COL4A2: variants seen among roughly 807,000 people sequenced by gnomAD.
COL4A2 encodes collagen type IV alpha 2 chain.
A neutral mutation model predicts 200.2 loss-of-function variants in COL4A2; 99 were observed. The observed-to-expected ratio is 0.49, with a 90% CI of 0.42 to 0.58. The LOEUF (loss-of-function observed/expected upper bound fraction) is 0.58, where lower values mean the gene tolerates loss of function less well. COL4A2 is among the 20% of genes least tolerant of loss of function. The probability of loss-of-function intolerance (pLI) is 0.00; values close to 1 mark genes in which losing one functional copy is unlikely to be tolerated. For synonymous variants in COL4A2, 897 were observed against 900.6 expected, an observed-to-expected ratio of 1.00 and a Z score of 0.07; for missense variants, 1,950 against 2,314.1, an observed-to-expected ratio of 0.84 and a Z score of 3.23.
chr13:110,383,934 A>G (rs750294685), intron 4 of COL4A2, among the ~76,000 whole-genome samples: 1 of 152,196 alleles, frequency 6.6e-6, no homozygotes, highest in African/African-American at 2.4e-5. Flanking sequence ...TTCAAGCTGC[A>G]GCAACACTCA....
At chr13:110,345,232 CG>C (rs1166984888) in intron 3 of COL4A2, among the ~76,000 whole-genome samples, 1 of 152,160 alleles carries the variant, frequency 6.6e-6, no homozygotes, top group Non-Finnish European at 1.5e-5. Flanking sequence ...TGTGTACAAA[CG>C]CAAGTTCTTT....
chr13:110,438,634 G>T lies in COL4A2; in HGVS notation c.878G>T (p.Gly293Val). 2 of 1,614,248 alleles carry T rather than the reference G, an allele frequency of 1.2e-6. No individual in the cohort carries two copies. The highest frequency in any genetic ancestry group is 1.7e-6 in the Non-Finnish European group (2 of 1,180,038). Reference protein sequence around the residue: ...EPGIRGISLKGEEGIMGFPGL... With the variant: ...EPGIRGISLKVEEGIMGFPGL... ...CTCTCCTAGGGCATTTCCTTGAAGGGAGAAGAAGGAATCATGGGCTTTCCT... is the reference window on the plus strand; with the variant it reads ...CTCTCCTAGGGCATTTCCTTGAAGGTAGAAGAAGGAATCATGGGCTTTCCT... The change falls in exon 15 of 48, where the codon GGA becomes GTA. Residue 293 changes from glycine (G) to valine (V), a missense_variant. By Grantham distance (109) the Gly-to-Val change is moderately radical. Coordinates refer to ENST00000360467, the MANE Select transcript of COL4A2 (RefSeq NM_001846.4).
chr13:110,372,129 T>C (rs1030511522), intron 4 of COL4A2, among the ~76,000 whole-genome samples: 1 of 152,230 alleles, frequency 6.6e-6, no homozygotes, highest in Non-Finnish European at 1.5e-5. Context: ...AACAACTGGG[T>C]ATTTTGATGA....
intron 29 of COL4A2, 189 bp downstream of exon 29, chr13:110,473,339 C>T (rs894140884): frequency 2.9e-5 from 16 of 549,626 alleles, no homozygotes; most frequent in South Asian, 7.5e-5. Flanking sequence ...TGACTACCCA[C>T]GGTAGCCAGT....
Position 110,462,378 on chromosome 13 carries a change from C to T in COL4A2, c.1770C>T (p.Gly590=). ...TCGATGGATTCCCCGGCCTCCCAGG[C>T]CCTCCCGTGAGTAGCCACAAACTGC... ...DGLDGFPGLP[G]PPGDGIKGPP... The change falls in exon 24 of 48, where the codon GGC becomes GGT. Residue 590 remains glycine (G), a synonymous_variant. Transcript: ENST00000360467. 1 of 1,612,770 alleles carries T rather than the reference C, an allele frequency of 6.2e-7. No individual in the cohort carries two copies. Among genetic ancestry groups the T allele is most frequent in the Non-Finnish European group, 8.5e-7 (1 of 1,179,904 alleles).
chr13:110,406,424 T>C (rs1879571476), intron 4 of COL4A2, among the ~76,000 whole-genome samples: 1 of 152,136 alleles, frequency 6.6e-6, no homozygotes, highest in African/African-American at 2.4e-5. Flanking sequence ...AGCAGGAGCA[T>C]GTCAGTAAAT....
intron 43 of COL4A2, 125 bp from the exon 44 acceptor site, chr13:110,503,722 C>G (rs1485630979): frequency 8.2e-7 from 1 of 1,222,880 alleles, no homozygotes; most frequent in Non-Finnish European, 1.2e-6. Flanking sequence ...TGGCTCATCT[C>G]TAGAAAGCAC....
At chr13:110,376,297 A>G (rs1323179398) in intron 4 of COL4A2, among the ~76,000 whole-genome samples, 2 of 152,202 alleles carry the variant, frequency 1.3e-5, no homozygotes, top group Non-Finnish European at 2.9e-5. Flanking sequence ...GCAGAGCAAC[A>G]GTCTGGAACT....
At chr13:110,379,578 G>T (rs1347684808) in intron 4 of COL4A2, among the ~76,000 whole-genome samples, 1 of 152,168 alleles carries the variant, frequency 6.6e-6, no homozygotes, top group Non-Finnish European at 1.5e-5. Flanking sequence ...CCCTTCTCAT[G>T]CACCCCCAAA....
chr13:110,485,522 CAAAAAAAAAAAAA>C (rs34819988), intron 33 of COL4A2, 120 bp from the exon 34 acceptor site: 7 of 357,772 alleles, frequency 2.0e-5, no homozygotes, highest in Middle Eastern at 7.4e-4. Context: ...GACTCCGTCT[CAAAAAAAAAAAAA>C]AAAAAAAAAA....
chr13:110,369,991 T>C (rs1877932378), intron 4 of COL4A2, among the ~76,000 whole-genome samples: 1 of 152,200 alleles, frequency 6.6e-6, no homozygotes, highest in Non-Finnish European at 1.5e-5. Flanking sequence ...TCTAATCACC[T>C]TGTTCTGAGC....
At chr13:110,430,288 T>A in intron 8 of COL4A2, 113 bp from the exon 9 acceptor site, 1 of 1,356,628 alleles carries the variant, frequency 7.4e-7, no homozygotes, top group Non-Finnish European at 1.0e-6. Flanking sequence ...CATTACTAGG[T>A]CCTGATAGGG....
rs760926154 is a variant in COL4A2 at position 110,472,999 on chromosome 13, C to G, written c.2274C>G (p.Ile758Met). The G allele has an allele frequency of 6.5e-7, 1 of 1,532,584 alleles. No individual in the cohort carries two copies. The highest frequency in any genetic ancestry group is 1.4e-5 in the African/African-American group (1 of 71,926). 94.9% of individuals were successfully genotyped at this position (1,532,584 alleles called of 1,614,324 possible). ...LPGPDGSPGP[I>M]GLPGPDGPPG... ...GCCCAGATGGATCCCCAGGTCCCAT[C>G]GGCCTGCCAGGGCCAGATGGGCCCC... is the stretch of plus-strand genomic sequence containing the variant. The change falls in exon 29 of 48, where the codon ATC (isoleucine) becomes ATG (methionine). Residue 758 changes from isoleucine to methionine, a missense_variant. Transcript: ENST00000360467.
At chr13:110,473,956 T>A (rs9515232) in intron 29 of COL4A2, among the ~76,000 whole-genome samples, 2 of 131,232 alleles carry the variant, frequency 1.5e-5, no homozygotes, top group East Asian at 2.3e-4. Context: ...GAGACCCCAT[T>A]TCTACAAAAA....
At chr13:110,363,948 G>A (rs1473647312) in intron 4 of COL4A2, among the ~76,000 whole-genome samples, 2 of 152,120 alleles carry the variant, frequency 1.3e-5, no homozygotes, top group Non-Finnish European at 2.9e-5. Flanking sequence ...TGAGCCGCCC[G>A]CCTCGGCCTC....
intron 29 of COL4A2, among the ~76,000 whole-genome samples, chr13:110,474,902 A>G (rs1379974555): frequency 2.9e-4 from 16 of 55,872 alleles, no homozygotes; most frequent in East Asian, 5.5e-4. Flanking sequence ...GCCTATGCAC[A>G]CTCACGATCA....
intron 6 of COL4A2, 135 bp downstream of exon 6, chr13:110,425,132 G>A (rs180805906): frequency 5.9e-4 from 574 of 974,990 alleles, no homozygotes; most frequent in Non-Finnish European, 6.3e-4. Flanking sequence ...CTATACGTGC[G>A]TATTCTCCCC....
intron 4 of COL4A2, among the ~76,000 whole-genome samples, chr13:110,364,183 G>A (rs1388318400): frequency 1.3e-5 from 2 of 152,226 alleles, no homozygotes; most frequent in African/African-American, 4.8e-5. Context: ...CAAGGAATTA[G>A]TCAGAAATAG....
chr13:110,470,038 C>T (rs1011970276), intron 28 of COL4A2, among the ~76,000 whole-genome samples: 5 of 151,736 alleles, frequency 3.3e-5, no homozygotes, highest in African/African-American at 1.2e-4. Context: ...CCTCAGCCTC[C>T]TGAGTAGCTG....
Sources: gnomAD v4.1 joint callset for allele counts (sites outside exome capture counted in the v4.1 genomes callset) on GRCh38, gnomAD v4.1.1 for gene constraint, MANE v1.5 for transcripts, NCBI Gene and HGNC (gene_info 2026-07-23, HGNC 2026-07-21) for gene names.